The following TSPEAR variants were observed in gnomAD, a reference collection of about 807,000 sequenced individuals.
The protein encoded by TSPEAR is thrombospondin type laminin G domain and EAR repeats.
A neutral mutation model predicts 71.6 loss-of-function variants in TSPEAR; 69 were observed. The ratio of observed to expected loss-of-function variants is 0.96; its 90% CI spans 0.79 to 1.18. The LOEUF (loss-of-function observed/expected upper bound fraction) is 1.18. Among genes scored for constraint, TSPEAR ranks in the 50% most tolerant of loss-of-function variants. The pLI is 0.00. For missense variants in TSPEAR, 971 were observed against 894.9 expected (o/e 1.09, Z -1.09); for synonymous variants, 402 against 387.2 (o/e 1.04, Z -0.45).
At chr21:44,584,497 TG>T (rs1156478797) in intron 1 of TSPEAR, among the ~76,000 whole-genome samples, 14 of 152,248 alleles carry the variant, frequency 9.2e-5, no homozygotes, top group African/African-American at 2.9e-4. Flanking sequence ...TGAGGAGCTT[TG>T]ACACTGTCTT....
At chr21:44,503,522 G>C (rs587734839) in intron 11 of TSPEAR, among the ~76,000 whole-genome samples, 4 of 131,210 alleles carry the variant, frequency 3.0e-5, no homozygotes, top group African/African-American at 1.2e-4. Flanking sequence ...GTGAGCCCTT[G>C]GGGGGAAGCC....
At chr21:44,576,427 T>C (rs1439636113) in intron 1 of TSPEAR, among the ~76,000 whole-genome samples, 1 of 147,436 alleles carries the variant, frequency 6.8e-6, no homozygotes, top group Admixed American at 6.7e-5. Context: ...GCAAACCTCA[T>C]GGGTGAACAG....
At chr21:44,543,022 A>G (rs587715998) in intron 2 of TSPEAR, among the ~76,000 whole-genome samples, 1 of 152,324 alleles carries the variant, frequency 6.6e-6, no homozygotes, top group Admixed American at 6.5e-5. Flanking sequence ...AGAAGCACAA[A>G]GCTAGAATTC....
At chr21:44,510,608 T>C (rs1555912521) in intron 9 of TSPEAR, 1 of 151,574 alleles carries the variant, frequency 6.6e-6, no homozygotes, top group African/African-American at 2.4e-5. Context: ...CCGGCTCAGG[T>C]GCTGCAGGAA....
intron 2 of TSPEAR, among the ~76,000 whole-genome samples, chr21:44,553,616 T>A (rs2146038002): frequency 6.6e-6 from 1 of 151,834 alleles, no homozygotes; most frequent in East Asian, 1.9e-4. Context: ...AAAAATAAGA[T>A]CAAAGTAATA....
chr21:44,545,020 A>G (rs1555917594), intron 2 of TSPEAR, among the ~76,000 whole-genome samples: 1 of 150,644 alleles, frequency 6.6e-6, no homozygotes, highest in African/African-American at 2.5e-5. Context: ...ATTCTCTGTA[A>G]TTAAAAAAAA....
rs587670697 is a variant in TSPEAR, at chr21:44,677,250, G to A, written c.82+34183C>T. 16 of 722,106 alleles carry A rather than the reference G, an allele frequency of 2.2e-5. No individual in the cohort carries two copies. In the East Asian group the frequency reaches 3.3e-4, roughly 15 times the overall value. The allele number at this position is 722,106 out of a possible 1,614,324, so 44.7% of individuals were successfully genotyped here. ...TTCTTTGGCTTTGAGAAGGGCATTG[G>A]CAGCTTCATCTACTGCCTTTCTGTG... On this transcript the variant is annotated intron_variant, in intron 1 of 11. Transcript: ENST00000323084.
chr21:44,690,574 A>T, intron 1 of TSPEAR: 1 of 985,518 alleles, frequency 1.0e-6, no homozygotes, highest in Non-Finnish European at 1.2e-6. Context: ...CCGGGAGGTC[A>T]GCATTCAGCC....
chr21:44,549,022 G>T (rs1555918115), intron 2 of TSPEAR, among the ~76,000 whole-genome samples: 1 of 152,222 alleles, frequency 6.6e-6, no homozygotes, highest in Admixed American at 6.5e-5. Flanking sequence ...CTCTCACGTG[G>T]CCGGTTGCCA....
intron 1 of TSPEAR, among the ~76,000 whole-genome samples, chr21:44,641,589 C>A (rs1226987913): frequency 6.6e-6 from 1 of 152,036 alleles, no homozygotes; most frequent in East Asian, 1.9e-4. Flanking sequence ...AATCATCAGA[C>A]CCATATGAGA....
intron 9 of TSPEAR, chr21:44,517,860 C>A: frequency 2.1e-6 from 1 of 471,152 alleles, no homozygotes; most frequent in Non-Finnish European, 4.4e-6. Flanking sequence ...CTCTCGCGCT[C>A]CTTGGGCTCA....
intron 1 of TSPEAR, among the ~76,000 whole-genome samples, chr21:44,584,743 A>G (rs1188525377): frequency 6.6e-6 from 1 of 152,200 alleles, no homozygotes; most frequent in African/African-American, 2.4e-5. Context: ...GGAAGGTCTT[A>G]TATTGAAGGC....
intron 1 of TSPEAR, among the ~76,000 whole-genome samples, chr21:44,708,034 CA>C (rs1988026185): frequency 6.7e-6 from 1 of 149,142 alleles, no homozygotes; most frequent in Admixed American, 6.7e-5. Context: ...CACACACACA[CA>C]CACACACACA....
chr21:44,601,811 C>T (rs1980950183), intron 1 of TSPEAR: 1 of 1,539,484 alleles, frequency 6.5e-7, no homozygotes, highest in Non-Finnish European at 8.8e-7. Flanking sequence ...CTTGACGGCT[C>T]TCCACATCCC....
Position 44,647,561 on chromosome 21 carries a change from C to T in TSPEAR, c.82+63872G>A, listed in dbSNP as rs188985702. 319 of 642,150 alleles carry T rather than the reference C, an allele frequency of 5.0e-4. 1 individual carries two copies. In the East Asian group the frequency reaches 8.3e-3, roughly 17 times the overall value. The allele number at this position is 642,150 out of a possible 1,614,324, so 39.8% of individuals were successfully genotyped here. ...AAATCCCTCAGCAGGTGGACTGTGG[C>T]TTTCTGGAGCCCCCTTCTCCAAATG... On this transcript the variant is annotated intron_variant, in intron 1 of 11. Transcript: ENST00000323084.
intron 1 of TSPEAR, among the ~76,000 whole-genome samples, chr21:44,597,270 CTT>C (rs1980422800): frequency 6.6e-6 from 1 of 151,972 alleles, no homozygotes; most frequent in Non-Finnish European, 1.5e-5. Context: ...TAGGTTGACT[CTT>C]TTAGCTTTAT....
intron 1 of TSPEAR, among the ~76,000 whole-genome samples, chr21:44,599,505 G>A (rs1380106333): frequency 5.3e-5 from 8 of 152,320 alleles, no homozygotes; most frequent in African/African-American, 1.9e-4. Context: ...GGTCATCACT[G>A]ACATCACCAG....
At position 44,551,167 on chromosome 21, in the gene TSPEAR, C is replaced by T. The variant is rs587645783; in HGVS notation, c.303+16618G>A. Reference sequence around the variant, plus strand: ...TTGCAGCAGACGGGCACGCAGCAGGCCTGCTGGCAGGGGGAGGAGGTGCAG... The same window carrying T: ...TTGCAGCAGACGGGCACGCAGCAGGTCTGCTGGCAGGGGGAGGAGGTGCAG... On this transcript the variant is annotated intron_variant, in intron 2 of 11. Coordinates refer to ENST00000323084, the MANE Select transcript of TSPEAR (RefSeq NM_144991.3). 3.3e-6 allele frequency: 5 copies of T among 1,534,394 alleles called. No individual in the cohort carries two copies. The Admixed American group carries it at 5.6e-5, about 17-fold the overall frequency.
At chr21:44,621,444 C>A (rs1982427992) in intron 1 of TSPEAR, among the ~76,000 whole-genome samples, 1 of 152,172 alleles carries the variant, frequency 6.6e-6, no homozygotes, top group Non-Finnish European at 1.5e-5. Context: ...GGGCCCAGCC[C>A]CCGCCGATCA....
Sources: allele counts gnomAD v4.1 joint callset (sites outside exome capture counted in the v4.1 genomes callset), GRCh38; gene constraint gnomAD v4.1.1; transcripts MANE v1.5; gene names NCBI Gene and HGNC (gene_info 2026-07-23, HGNC 2026-07-21).